DNAH5: variants seen among roughly 807,000 people sequenced by gnomAD.
DNAH5 encodes the protein axonemal beta dynein heavy chain 5.
In DNAH5, 372 loss-of-function variants were observed where a neutral mutation model predicts 518.2. That is an observed-to-expected ratio of 0.72 (90% CI 0.66 to 0.78). DNAH5 has a LOEUF of 0.78. DNAH5 is among the 30% of genes least tolerant of loss of function. The pLI, the probability that DNAH5 is intolerant of heterozygous loss-of-function variation, is 0.00. For synonymous variants in DNAH5, 2,039 were observed against 2,025.9 expected, an observed-to-expected ratio of 1.01 and a Z score of -0.17; for missense variants, 5,523 against 5,687.0, an observed-to-expected ratio of 0.97 and a Z score of 0.93.
chr5:14,004,936 A>G (rs1394346914), intron 1 of DNAH5, among the ~76,000 whole-genome samples: 1 of 151,960 alleles, frequency 6.6e-6, no homozygotes, highest in Non-Finnish European at 1.5e-5. Flanking sequence ...CTCTTGGCCC[A>G]TCGTGTCCCA....
At chr5:13,850,296 C>CCTG (rs776368161) in intron 31 of DNAH5, among the ~76,000 whole-genome samples, 9,370 of 152,144 alleles carry the variant, frequency 0.062, 300 homozygotes, top group African/African-American at 0.079. Flanking sequence ...ATATACTAAA[C>CCTG]ACTGTTTCAT....
At chr5:13,891,399 C>A (rs1259436673) in intron 16 of DNAH5, among the ~76,000 whole-genome samples, 1 of 152,166 alleles carries the variant, frequency 6.6e-6, no homozygotes, top group East Asian at 1.9e-4. Context: ...AGTTTTTATA[C>A]ATTTTATAAA....
chr5:13,791,754 A>G (rs967165032), intron 50 of DNAH5, among the ~76,000 whole-genome samples: 2 of 152,188 alleles, frequency 1.3e-5, no homozygotes, highest in African/African-American at 4.8e-5. Flanking sequence ...TTTTCATTAA[A>G]AAATAATTGT....
chr5:13,796,742 A>T (rs989867447), intron 47 of DNAH5, among the ~76,000 whole-genome samples: 28 of 152,148 alleles, frequency 1.8e-4, no homozygotes, highest in Non-Finnish European at 3.7e-4. Flanking sequence ...CACATTGCCA[A>T]GAAAATCCTA....
At position 13,770,962 on chromosome 5, in the gene DNAH5, G is replaced by A. The variant is rs1381670710; in HGVS notation, c.9392C>T (p.Thr3131Ile). ...ALVAVSEHFL[T>I]SYDIDCSLEI... ...CAAACTGCAGTCAATATCATAGGAA[G>A]TGAGGAAGTGTTCAGACACTAGAGA... Residue 3131 changes from threonine (T) to isoleucine (I), a missense_variant, in exon 56 of 79, where the codon ACT becomes ATT. Thr to Ile is a moderately conservative substitution (Grantham distance 89). This residue lies in a region of DNAH5 where 5,121 missense variants were observed against 5,223.3 expected (regional missense o/e 0.98). Coordinates refer to ENST00000265104, the MANE Select transcript of DNAH5 (RefSeq NM_001369.3). 1 of 1,613,340 alleles carries A rather than the reference G, an allele frequency of 6.2e-7. No homozygotes were observed. Among genetic ancestry groups the A allele is most frequent in the Admixed American group, 1.7e-5 (1 of 59,992 alleles).
intron 14 of DNAH5, 200 bp from the exon 15 acceptor site, chr5:13,900,612 G>A: frequency 1.6e-6 from 1 of 606,620 alleles, no homozygotes; most frequent in Non-Finnish European, 2.9e-6. Flanking sequence ...GTTGATGTTG[G>A]GCAGTCAATT....
At chr5:13,893,151 A>G (rs1229723660) in intron 16 of DNAH5, among the ~76,000 whole-genome samples, 1 of 152,184 alleles carries the variant, frequency 6.6e-6, no homozygotes, top group Non-Finnish European at 1.5e-5. Context: ...AAATCTACTG[A>G]TAAGACAAGC....
intron 24 of DNAH5, among the ~76,000 whole-genome samples, chr5:13,868,718 C>T: frequency 6.6e-6 from 1 of 152,190 alleles, no homozygotes; most frequent in East Asian, 1.9e-4. Context: ...CCCTCCCTCT[C>T]CGTGGAGGCA....
At chr5:13,911,321 G>T in intron 12 of DNAH5, 65 bp downstream of exon 12, 1 of 1,252,322 alleles carries the variant, frequency 8.0e-7, no homozygotes, top group Non-Finnish European at 1.2e-6. Flanking sequence ...AATGATTAAC[G>T]GCATTATACA....
intron 72 of DNAH5, 118 bp downstream of exon 72, chr5:13,718,764 G>C (rs1306838268): frequency 1.2e-6 from 1 of 847,790 alleles, no homozygotes; most frequent in African/African-American, 1.7e-5. Flanking sequence ...CTCCCCATCA[G>C]GTTAAACAGT....
At chr5:13,841,476 A>C (rs1449581226) in intron 33 of DNAH5, among the ~76,000 whole-genome samples, 1 of 152,252 alleles carries the variant, frequency 6.6e-6, no homozygotes, top group Non-Finnish European at 1.5e-5. Context: ...CATCAAATAT[A>C]TCTATAACCC....
chr5:13,743,205 TAGAG>T (rs1343425383), intron 65 of DNAH5, among the ~76,000 whole-genome samples: 3 of 152,028 alleles, frequency 2.0e-5, no homozygotes, highest in South Asian at 2.1e-4. Flanking sequence ...GGTAGGTAGA[TAGAG>T]AGATAGATGA....
At chr5:13,825,428 C>T (rs1762771389) in intron 38 of DNAH5, among the ~76,000 whole-genome samples, 1 of 152,060 alleles carries the variant, frequency 6.6e-6, no homozygotes, top group African/African-American at 2.4e-5. Context: ...ATAGCAGCAC[C>T]ATTCATGATA....
At chr5:13,954,450 G>A (rs1251587822) in intron 1 of DNAH5, among the ~76,000 whole-genome samples, 1 of 152,204 alleles carries the variant, frequency 6.6e-6, no homozygotes, top group East Asian at 1.9e-4. Flanking sequence ...ATAAAACTCA[G>A]TTTTGAAGTT....
At chr5:13,842,014 T>C (rs1765253258) in intron 32 of DNAH5, 110 bp from the exon 33 acceptor site, 1 of 707,514 alleles carries the variant, frequency 1.4e-6, no homozygotes, top group Middle Eastern at 3.6e-4. Context: ...GATTATAAAA[T>C]ACTGTAAAAG....
At chr5:13,954,936 C>A (rs1780659188) in intron 1 of DNAH5, among the ~76,000 whole-genome samples, 2 of 152,204 alleles carry the variant, frequency 1.3e-5, no homozygotes, top group Non-Finnish European at 2.9e-5. Context: ...TCTCACTCAT[C>A]ACCAATTTTC....
At chr5:13,774,460 G>C (rs1753788723) in intron 55 of DNAH5, among the ~76,000 whole-genome samples, 1 of 152,090 alleles carries the variant, frequency 6.6e-6, no homozygotes, top group Admixed American at 6.6e-5. Flanking sequence ...CAAGCCAGGA[G>C]ACAGACTAGA....
chr5:13,989,735 G>A (rs1036334568), intron 1 of DNAH5, among the ~76,000 whole-genome samples: 2 of 152,104 alleles, frequency 1.3e-5, no homozygotes, highest in South Asian at 2.1e-4. Context: ...CAGCCACCTC[G>A]GCCTCCCAAA....
intron 51 of DNAH5, among the ~76,000 whole-genome samples, chr5:13,787,605 C>T (rs537637334): frequency 6.6e-6 from 1 of 151,574 alleles, no homozygotes; most frequent in Middle Eastern, 3.4e-3. Context: ...CCCCGGCCCC[C>T]AAAATGCAGC....
Sources: allele counts gnomAD v4.1 joint callset (sites outside exome capture counted in the v4.1 genomes callset), GRCh38; gene constraint gnomAD v4.1.1; regional missense constraint gnomAD v4.1.1; transcripts MANE v1.5; gene names NCBI Gene and HGNC (gene_info 2026-07-23, HGNC 2026-07-21).